Variants in LRFN5 observed in about 807,000 individuals in gnomAD.
LRFN5 encodes the protein leucine rich repeat and fibronectin type III domain containing 5.
Under a neutral mutation model 45.6 loss-of-function variants are expected in LRFN5, and 24 were observed. The ratio of observed to expected loss-of-function variants is 0.53; its 90% CI spans 0.38 to 0.74. LRFN5 has a LOEUF of 0.74. Among genes scored for constraint, LRFN5 ranks in the 30% least tolerant of loss-of-function variants. The pLI, the probability that LRFN5 is intolerant of heterozygous loss-of-function variation, is 0.00. For missense variants in LRFN5, 776 were observed against 861.5 expected, an observed-to-expected ratio of 0.90 and a Z score of 1.24; for synonymous variants, 340 against 313.8, an observed-to-expected ratio of 1.08 and a Z score of -0.88.
intron 2 of LRFN5, among the ~76,000 whole-genome samples, chr14:41,820,127 C>T (rs1410174358): frequency 2.0e-5 from 3 of 151,704 alleles, no homozygotes; most frequent in African/African-American, 7.3e-5. Context: ...TAACTAAGAC[C>T]CATTTGTCTA....
Position 41,622,239 on chromosome 14 carries a change from T to G in LRFN5, c.-197+13677T>G, listed in dbSNP as rs545539771. Among the ~76,000 whole-genome samples, 13 of 152,212 alleles carry G rather than the reference T, an allele frequency of 8.5e-5. No homozygotes were observed. The South Asian group carries it at 2.7e-3, about 32-fold the overall frequency. On this transcript the variant is annotated intron_variant, in intron 1 of 5. Coordinates refer to ENST00000298119, the MANE Select transcript of LRFN5 (RefSeq NM_152447.5). ...TTTAGTGAACTTCTGATATTTTGGTTTGATAATTAGTGTTTCCTGCTTTAA... is the reference window on the plus strand; with the variant it reads ...TTTAGTGAACTTCTGATATTTTGGTGTGATAATTAGTGTTTCCTGCTTTAA...
intron 2 of LRFN5, among the ~76,000 whole-genome samples, chr14:41,775,148 T>A (rs1224973355): frequency 7.3e-6 from 1 of 136,604 alleles, no homozygotes; most frequent in Non-Finnish European, 1.5e-5. Context: ...TGGAGTGCAG[T>A]GGCGCGATCT....
At chr14:41,765,456 C>A (rs1436560151) in intron 1 of LRFN5, among the ~76,000 whole-genome samples, 1 of 151,292 alleles carries the variant, frequency 6.6e-6, no homozygotes, top group Admixed American at 6.6e-5. Context: ...CAAACTATTT[C>A]TGAAAGAATG....
chr14:41,757,227 C>G (rs926274803), intron 1 of LRFN5, among the ~76,000 whole-genome samples: 4 of 152,190 alleles, frequency 2.6e-5, no homozygotes, highest in Non-Finnish European at 4.4e-5. Flanking sequence ...AGGAGGCAGT[C>G]TGTTTGTTCT....
At chr14:41,617,174 T>C (rs1367988656) in intron 1 of LRFN5, among the ~76,000 whole-genome samples, 2 of 152,136 alleles carry the variant, frequency 1.3e-5, no homozygotes, top group African/African-American at 4.8e-5. Flanking sequence ...ACTTGGATAA[T>C]ATATAATGGA....
chr14:41,786,344 A>G (rs1886719371), intron 2 of LRFN5, among the ~76,000 whole-genome samples: 1 of 152,004 alleles, frequency 6.6e-6, no homozygotes, highest in African/African-American at 2.4e-5. Context: ...TTGTTTTTTC[A>G]AAAAGTAATT....
Position 41,767,008 on chromosome 14 carries a change from AG to A in LRFN5, c.-40del, listed in dbSNP as rs1213759290. 1 of 152,610 alleles carries A rather than the reference AG, an allele frequency of 6.6e-6. No individual in the cohort carries two copies. Among genetic ancestry groups the A allele is most frequent in the East Asian group, 1.9e-4 (1 of 5,194 alleles). 9.5% of individuals were successfully genotyped at this position (152,610 alleles called of 1,614,324 possible). A position where few individuals can be genotyped will look rare whatever the true frequency, so the allele number is the denominator to read the frequency against. ...GAGTGCCGACTCCTTCACAGCCGTG[AG>A]GAACTCTTCAGGCTCCAGAAGTAAG... On this transcript the variant is annotated 5_prime_UTR_variant, in exon 2 of 6. An upstream open reading frame in the 5' UTR loses its in-frame stop. Coordinates refer to ENST00000298119, the MANE Select transcript of LRFN5 (RefSeq NM_152447.5).
intron 2 of LRFN5, among the ~76,000 whole-genome samples, chr14:41,840,300 A>C (rs1393768850): frequency 6.6e-6 from 1 of 152,090 alleles, no homozygotes; most frequent in Non-Finnish European, 1.5e-5. Flanking sequence ...AAATACGTAG[A>C]CTAATAACTT....
intron 1 of LRFN5, among the ~76,000 whole-genome samples, chr14:41,697,331 ATT>A (rs969931734): frequency 1.1e-4 from 16 of 151,816 alleles, no homozygotes; most frequent in African/African-American, 3.4e-4. Flanking sequence ...AAAATAATAC[ATT>A]GTTACTATGT....
chr14:41,728,381 A>G (rs1252079264), intron 1 of LRFN5, among the ~76,000 whole-genome samples: 1 of 152,174 alleles, frequency 6.6e-6, no homozygotes, highest in Non-Finnish European at 1.5e-5. Context: ...TGAGCCTCCT[A>G]TAGATAGATC....
chr14:41,612,887 A>T (rs1887803305), intron 1 of LRFN5, among the ~76,000 whole-genome samples: 1 of 152,150 alleles, frequency 6.6e-6, no homozygotes, highest in African/African-American at 2.4e-5. Context: ...AATTTAATTC[A>T]AAGATAACCA....
chr14:41,655,780 T>C (rs1373862958), intron 1 of LRFN5, among the ~76,000 whole-genome samples: 5 of 151,898 alleles, frequency 3.3e-5, no homozygotes, highest in African/African-American at 1.2e-4. Flanking sequence ...ACCACAAGAT[T>C]TGTGGATGGG....
intron 1 of LRFN5, among the ~76,000 whole-genome samples, chr14:41,637,479 A>G (rs117565946): frequency 6.6e-6 from 1 of 152,076 alleles, no homozygotes. Context: ...GAATTTTTCT[A>G]TACTAGTGTT....
At chr14:41,634,742 C>A (rs958293863) in intron 1 of LRFN5, among the ~76,000 whole-genome samples, 1 of 152,066 alleles carries the variant, frequency 6.6e-6, no homozygotes, top group African/African-American at 2.4e-5. Context: ...GGGTTTGGGT[C>A]TGTTTTAATT....
intron 2 of LRFN5, among the ~76,000 whole-genome samples, chr14:41,816,334 A>G (rs1887916750): frequency 6.6e-6 from 1 of 152,120 alleles, no homozygotes; most frequent in Admixed American, 6.6e-5. Context: ...ATCAATTAAG[A>G]ACAAGAAAAA....
intron 1 of LRFN5, chr14:41,701,254 A>G (rs1371789650): frequency 6.6e-6 from 1 of 152,184 alleles, no homozygotes; most frequent in Non-Finnish European, 1.5e-5. Context: ...TTGATGGACC[A>G]TCAGAATACA....
At chr14:41,643,530 A>G (rs887299833) in intron 1 of LRFN5, among the ~76,000 whole-genome samples, 10 of 152,072 alleles carry the variant, frequency 6.6e-5, no homozygotes, top group Admixed American at 1.3e-4. Flanking sequence ...TTTGAAAATC[A>G]TTTGTCTTTG....
rs118137508 is a variant in LRFN5, at chr14:41,800,145, G to T, written c.-21+33116G>T. 1.9e-4 allele frequency among the ~76,000 whole-genome samples: 29 copies of T among 152,042 alleles called. No homozygotes were observed. In the East Asian group the frequency reaches 4.5e-3, roughly 23 times the overall value. On this transcript the variant is annotated intron_variant, in intron 2 of 5. Coordinates refer to ENST00000298119, the MANE Select transcript of LRFN5 (RefSeq NM_152447.5). ...GACACCTTACTGATGTACCATGTGGGTCACTTAAAATTTCAAGTTGCATCA... is the reference window on the plus strand; with the variant it reads ...GACACCTTACTGATGTACCATGTGGTTCACTTAAAATTTCAAGTTGCATCA...
chr14:41,783,010 G>GC (rs1886587043), intron 2 of LRFN5, among the ~76,000 whole-genome samples: 1 of 138,694 alleles, frequency 7.2e-6, no homozygotes, highest in Non-Finnish European at 1.5e-5. Flanking sequence ...GAATCAGGAA[G>GC]CCTAGTGTTG....
Sources: allele counts gnomAD v4.1 joint callset (sites outside exome capture counted in the v4.1 genomes callset), GRCh38; gene constraint gnomAD v4.1.1; transcripts MANE v1.5; gene names NCBI Gene and HGNC (gene_info 2026-07-23, HGNC 2026-07-21).